The following WDR74 variants were observed in gnomAD, a reference collection of about 807,000 sequenced individuals.
The protein encoded by WDR74 is WD repeat-containing protein 74.
In WDR74, 31 loss-of-function variants were observed where a neutral mutation model predicts 45.6. That is an observed-to-expected ratio of 0.68 (90% CI 0.51 to 0.92). The LOEUF is 0.92. WDR74 is among the 40% of genes least tolerant of loss of function. The pLI is 0.00. For synonymous variants in WDR74, 191 were observed against 192.4 expected (o/e 0.99, Z 0.06); for missense variants, 455 against 497.2 (o/e 0.92, Z 0.81).
upstream of WDR74, among the ~76,000 whole-genome samples, chr11:62,840,605 TTACCTA>T: frequency 6.6e-6 from 1 of 152,250 alleles, no homozygotes; most frequent in South Asian, 2.1e-4. Flanking sequence ...AGTCGCTACT[TTACCTA>T]GAGATTAACA....
intron 2 of WDR74, 23 bp downstream of exon 2, chr11:62,839,299 C>T (rs1211513923): frequency 6.8e-6 from 11 of 1,610,556 alleles, no homozygotes; most frequent in Non-Finnish European, 9.3e-6. Context: ...CCCCCAGCTC[C>T]GGCCCGACCA....
At chr11:62,836,665 G>C (rs11231243) in intron 3 of WDR74, 1 of 155,012 alleles carries the variant, frequency 6.5e-6, no homozygotes, top group East Asian at 1.9e-4. Flanking sequence ...AGCTGGGTTC[G>C]GGCTCTGTAT....
At chr11:62,838,114 A>T (rs2084985291) in intron 3 of WDR74, among the ~76,000 whole-genome samples, 1 of 152,104 alleles carries the variant, frequency 6.6e-6, no homozygotes, top group Non-Finnish European at 1.5e-5. Context: ...AAAAATATAA[A>T]TGAATTAATA....
upstream of WDR74, chr11:62,841,773 A>C (rs898351242): frequency 6.6e-6 from 1 of 152,234 alleles, no homozygotes; most frequent in Admixed American, 6.5e-5. Flanking sequence ...AAGAACAGAT[A>C]CTACACTTGA....
chr11:62,836,039 G>A lies in WDR74; in HGVS notation c.294-3C>T, dbSNP rs752061278. The A allele has an allele frequency of 6.3e-7, 1 of 1,581,890 alleles. No individual in the cohort carries two copies. The highest frequency in any genetic ancestry group is 8.6e-7 in the Non-Finnish European group (1 of 1,163,510). ...AATCCACACATGTGATGAGGGTGCTGCAGAGAAAGGATAGAGTTGGGATTT... is the reference window on the plus strand; with the variant it reads ...AATCCACACATGTGATGAGGGTGCTACAGAGAAAGGATAGAGTTGGGATTT... On this transcript the variant is annotated splice_polypyrimidine_tract_variant and splice_region_variant and intron_variant, in intron 3 of 10. Coordinates refer to ENST00000278856, the MANE Select transcript of WDR74 (RefSeq NM_001369450.1).
chr11:62,839,007 T>C (rs997010459), intron 3 of WDR74, 107 bp downstream of exon 3: 3 of 1,514,506 alleles, frequency 2.0e-6, no homozygotes, highest in Non-Finnish European at 2.7e-6. Context: ...TGTCACCCAT[T>C]CAAAGCCGTG....
At chr11:62,838,327 A>AACTTCTTTTTT (rs2084989052) in intron 3 of WDR74, among the ~76,000 whole-genome samples, 1 of 151,612 alleles carries the variant, frequency 6.6e-6, no homozygotes, top group South Asian at 2.1e-4. Flanking sequence ...TAATTTTTGT[A>AACTTCTTTTTT]TTTTTTTAGT....
chr11:62,841,655 G>C (rs543432872), upstream of WDR74: 4 of 152,202 alleles, frequency 2.6e-5, no homozygotes, highest in African/African-American at 4.8e-5. Context: ...TGCAATACCA[G>C]GTCGATGCGT....
upstream of WDR74, chr11:62,841,797 G>T (rs990310294): frequency 6.6e-6 from 1 of 152,124 alleles, no homozygotes; most frequent in Non-Finnish European, 1.5e-5. Flanking sequence ...TAGCCAAAAG[G>T]CCGAGAAGCG....
At chr11:62,841,389 T>C (rs562084049), upstream of WDR74, among the ~76,000 whole-genome samples, 59 of 151,990 alleles carry the variant, frequency 3.9e-4, no homozygotes, top group African/African-American at 1.3e-3. Context: ...TAGTTCCAAC[T>C]ACCCCAGAGG....
Position 62,839,547 on chromosome 11 carries a change from C to A in WDR74, c.24G>T (p.Trp8Cys), listed in dbSNP as rs772909911. 1.2e-6 allele frequency: 2 copies of A among 1,612,788 alleles called. No individual in the cohort carries two copies. The highest frequency in any genetic ancestry group is 1.7e-5 in the Admixed American group (1 of 59,890). MAAAAAR[W>C]NHVWVGTETG... Reference sequence around the variant, plus strand: ...TCTCGGTGCCGACCCACACATGGTTCCAGCGTGCAGCAGCAGCCGCCATGA... The same window carrying A: ...TCTCGGTGCCGACCCACACATGGTTACAGCGTGCAGCAGCAGCCGCCATGA... Residue 8 changes from tryptophan (W) to cysteine (C), a missense_variant, in exon 1 of 11, where the codon TGG (tryptophan) becomes TGT (cysteine). Transcript: ENST00000278856.
intron 6 of WDR74, 68 bp downstream of exon 6, chr11:62,835,363 C>T (rs1460669854): frequency 3.4e-6 from 5 of 1,453,692 alleles, no homozygotes; most frequent in Non-Finnish European, 4.8e-6. Context: ...TTGTGTCAAA[C>T]CGTGGGGGCC....
chr11:62,841,549 CAT>C (rs2085054380), upstream of WDR74: 1 of 151,122 alleles, frequency 6.6e-6, no homozygotes, highest in Non-Finnish European at 1.5e-5. Flanking sequence ...ACAACAAGAA[CAT>C]AACTATTTAG....
upstream of WDR74, chr11:62,839,639 C>T (rs1256090042): frequency 3.9e-5 from 60 of 1,529,602 alleles, no homozygotes; most frequent in Non-Finnish European, 5.2e-5. Context: ...GCGTCGAGTC[C>T]GATGCAGCGC....
chr11:62,839,355 G>C lies in WDR74; in HGVS notation c.138C>G (p.Ser46Arg). 2.5e-6 allele frequency: 4 copies of C among 1,611,710 alleles called. No individual in the cohort carries two copies. The highest frequency in any genetic ancestry group is 3.4e-6 in the Non-Finnish European group (4 of 1,179,756). The stretch of plus-strand genomic sequence containing the variant: ...CGCCGCCGGTGCCCCAACACAGGGC[G>C]CTCACTGCCTCCTCGCGCCGCGGCT... ...GGQPRREEAV[S>R]ALCWGTGGET... Residue 46 changes from serine (S) to arginine (R), a missense_variant, in exon 2 of 11, where the codon AGC becomes AGG. Coordinates refer to ENST00000278856, the MANE Select transcript of WDR74 (RefSeq NM_001369450.1).
At chr11:62,837,508 C>CA (rs1274446091) in intron 3 of WDR74, among the ~76,000 whole-genome samples, 13 of 135,798 alleles carry the variant, frequency 9.6e-5, no homozygotes, top group Admixed American at 6.5e-4. Context: ...AAAAAAAAAA[C>CA]AAAAAACAAA....
chr11:62,835,921 C>G, intron 4 of WDR74, 40 bp downstream of exon 4: 1 of 1,583,650 alleles, frequency 6.3e-7, no homozygotes, highest in Non-Finnish European at 8.6e-7. Flanking sequence ...GCACCTACCC[C>G]AGCCCACCTC....
rs1329506360 is a variant in WDR74, at chr11:62,835,712, C to A, written c.499G>T (p.Val167Leu). Residue 167 changes from valine (V) to leucine (L), a missense_variant, in exon 5 of 11, where the codon GTG (valine) becomes TTG (leucine). Transcript: ENST00000278856. The part of the protein sequence containing the change: ...IWDLQGSEEP[V>L]FRAKNVRNDW... ...TCACTCACGTTCTTGGCCCTGAACA[C>A]AGGTTCCTCAGAGCCCTGCAGGTCC... 6.2e-7 allele frequency: 1 copy of A among 1,613,962 alleles called. No individual in the cohort carries two copies. The highest frequency in any genetic ancestry group is 1.1e-5 in the South Asian group (1 of 91,082).
chr11:62,833,205 T>G (rs2084899294), intron 10 of WDR74, 74 bp from the exon 11 acceptor site: 1 of 1,501,088 alleles, frequency 6.7e-7, no homozygotes, highest in South Asian at 1.2e-5. Context: ...CTCAGCACTT[T>G]GGGAGACCAA....
Sources: gnomAD v4.1 joint callset for allele counts (sites outside exome capture counted in the v4.1 genomes callset) on GRCh38, gnomAD v4.1.1 for gene constraint, MANE v1.5 for transcripts, NCBI Gene and HGNC (gene_info 2026-07-23, HGNC 2026-07-21) for gene names.